The following SLC25A26 variants were observed in gnomAD, a reference collection of about 807,000 sequenced individuals.
SLC25A26 encodes the protein mitochondrial S-adenosylmethionine carrier protein.
A neutral mutation model predicts 37.8 loss-of-function variants in SLC25A26; 36 were observed. The ratio of observed to expected loss-of-function variants is 0.95; its 90% CI spans 0.73 to 1.26. SLC25A26 has a LOEUF of 1.26. Among genes scored for constraint, SLC25A26 ranks in the 50% most tolerant of loss-of-function variants. The pLI, the probability that SLC25A26 is intolerant of heterozygous loss-of-function variation, is 0.00. For synonymous variants in SLC25A26, 129 were observed against 122.5 expected, an observed-to-expected ratio of 1.05 and a Z score of -0.35; for missense variants, 390 against 331.1, an observed-to-expected ratio of 1.18 and a Z score of -1.38.
At chr3:66,232,417 C>T (rs1366886931) in intron 1 of SLC25A26, among the ~76,000 whole-genome samples, 1 of 152,046 alleles carries the variant, frequency 6.6e-6, no homozygotes, top group Non-Finnish European at 1.5e-5. Context: ...TAGATAGTAA[C>T]CCTTTATTAG....
At chr3:66,269,831 G>C (rs1309310267) in intron 5 of SLC25A26, among the ~76,000 whole-genome samples, 1 of 152,064 alleles carries the variant, frequency 6.6e-6, no homozygotes, top group Admixed American at 6.6e-5. Flanking sequence ...GATTTACCTT[G>C]TTCTCTTTCA....
At chr3:66,315,100 A>T (rs1404998223) in intron 5 of SLC25A26, among the ~76,000 whole-genome samples, 8 of 123,300 alleles carry the variant, frequency 6.5e-5, no homozygotes, top group East Asian at 2.3e-4. Context: ...TTTTTTTTGA[A>T]GGGTTTTTCA....
At chr3:66,253,702 T>G (rs1194898760) in intron 3 of SLC25A26, among the ~76,000 whole-genome samples, 1 of 152,144 alleles carries the variant, frequency 6.6e-6, no homozygotes, top group East Asian at 1.9e-4. Context: ...GATAATAAGC[T>G]TATGTTTTAA....
chr3:66,279,360 G>A (rs2074261684), intron 5 of SLC25A26, among the ~76,000 whole-genome samples: 1 of 152,112 alleles, frequency 6.6e-6, no homozygotes, highest in South Asian at 2.1e-4. Context: ...TTCAGACCAG[G>A]GCTTTGTGGT....
intron 5 of SLC25A26, among the ~76,000 whole-genome samples, chr3:66,343,781 A>G (rs1386532894): frequency 6.6e-6 from 1 of 152,186 alleles, no homozygotes; most frequent in African/African-American, 2.4e-5. Context: ...CTTTTGGGGC[A>G]TATTTTATTA....
At chr3:66,258,213 G>A (rs981951540) in intron 3 of SLC25A26, among the ~76,000 whole-genome samples, 4 of 152,082 alleles carry the variant, frequency 2.6e-5, no homozygotes, top group Non-Finnish European at 5.9e-5. Flanking sequence ...AGATGTCTGC[G>A]GGGGAAATCT....
chr3:66,173,854 C>G (rs1172353893), intron 1 of SLC25A26, among the ~76,000 whole-genome samples: 1 of 152,008 alleles, frequency 6.6e-6, no homozygotes, highest in Non-Finnish European at 1.5e-5. Context: ...AATTCGAGAC[C>G]AGCCTGGCCA....
chr3:66,219,636 G>A (rs952610066), upstream of SLC25A26, among the ~76,000 whole-genome samples: 57 of 152,204 alleles, frequency 3.7e-4, no homozygotes, highest in Non-Finnish European at 5.3e-4. Flanking sequence ...TAGTCTGTCT[G>A]TGTGTAGTCC....
At position 66,263,313 on chromosome 3, in the gene SLC25A26, G is replaced by T. The variant is rs371644160; in HGVS notation, c.406-19G>T. The T allele has an allele frequency of 6.2e-7, 1 of 1,605,510 alleles. No homozygotes were observed. Among genetic ancestry groups the T allele is most frequent in the Non-Finnish European group, 8.5e-7 (1 of 1,173,564 alleles). On this transcript the variant is annotated intron_variant, in intron 4 of 9. Transcript: ENST00000354883. ...TCTCTGCCATTCTTTCTGAACTCTC[G>T]GCTGTGTGTTTGTTTCAGGGTATCC...
At chr3:66,348,400 G>C (rs921237701) in intron 6 of SLC25A26, among the ~76,000 whole-genome samples, 2 of 152,196 alleles carry the variant, frequency 1.3e-5, no homozygotes, top group African/African-American at 4.8e-5. Context: ...AGGTTGCAAT[G>C]TAAAATGTAT....
At chr3:66,242,397 C>T (rs147677140) in intron 2 of SLC25A26, among the ~76,000 whole-genome samples, 4 of 152,270 alleles carry the variant, frequency 2.6e-5, no homozygotes, top group Admixed American at 1.3e-4. Context: ...TTCATTTAGC[C>T]TAGTGTATAT....
intron 1 of SLC25A26, among the ~76,000 whole-genome samples, chr3:66,157,219 G>A (rs1207481306): frequency 6.6e-6 from 1 of 152,190 alleles, no homozygotes; most frequent in African/African-American, 2.4e-5. Flanking sequence ...AGGTGACAGA[G>A]TGAGACCCTG....
chr3:66,209,149 A>G (rs2071235539), intron 1 of SLC25A26, among the ~76,000 whole-genome samples: 1 of 84,726 alleles, frequency 1.2e-5, no homozygotes, highest in South Asian at 5.0e-4. Context: ...ATATATATAT[A>G]TACCTATACT....
chr3:66,282,016 T>G (rs1252283840), intron 5 of SLC25A26, among the ~76,000 whole-genome samples: 1 of 132,920 alleles, frequency 7.5e-6, no homozygotes, highest in Non-Finnish European at 1.7e-5. Flanking sequence ...TTTTTTTTTT[T>G]TTTTTTGAGA....
chr3:66,141,541 C>T (rs1235175297), intron 1 of SLC25A26, among the ~76,000 whole-genome samples: 14 of 148,928 alleles, frequency 9.4e-5, no homozygotes, highest in Non-Finnish European at 1.8e-4. Context: ...GAGACAGAGT[C>T]TTATTCTGTC....
intron 1 of SLC25A26, 157 bp downstream of exon 1, chr3:66,221,284 C>T (rs1576649840): frequency 5.7e-6 from 2 of 352,202 alleles, no homozygotes; most frequent in South Asian, 2.3e-4. Flanking sequence ...GGCTCCCAGG[C>T]CACCGGCGGG....
At chr3:66,250,396 G>C (rs566767011) in intron 3 of SLC25A26, among the ~76,000 whole-genome samples, 1 of 152,240 alleles carries the variant, frequency 6.6e-6, no homozygotes, top group Admixed American at 6.5e-5. Flanking sequence ...TAGACGGTCC[G>C]TGACTTACGA....
At position 66,209,926 on chromosome 3, in the gene SLC25A26, A is replaced by C. The variant is rs1414242716; in HGVS notation, c.-353-10816A>C. On this transcript the variant is annotated intron_variant, in intron 1 of 10. Transcript: ENST00000676754. ...TATATATATATATATATATATATAT[A>C]TATATATATATATATATATATGCAG... 5.1e-3 allele frequency among the ~76,000 whole-genome samples: 368 copies of C among 72,162 alleles called. 47 individuals carry two copies. The highest frequency in any genetic ancestry group is 0.022 in the East Asian group (58 of 2,684). The allele number at this position is 72,162 out of a possible 152,430, so 47.3% of individuals were successfully genotyped here.
At chr3:66,338,379 A>G (rs2076136313) in intron 5 of SLC25A26, among the ~76,000 whole-genome samples, 1 of 151,958 alleles carries the variant, frequency 6.6e-6, no homozygotes, top group South Asian at 2.1e-4. Context: ...ACCACCTTTC[A>G]AAGTTGTACG....
Sources: allele counts gnomAD v4.1 joint callset (sites outside exome capture counted in the v4.1 genomes callset), GRCh38; gene constraint gnomAD v4.1.1; transcripts MANE v1.5; gene names NCBI Gene and HGNC (gene_info 2026-07-23, HGNC 2026-07-21).